Variants in GALNTL6 observed in about 807,000 individuals in gnomAD.
GALNTL6 encodes the protein polypeptide N-acetylgalactosaminyltransferase like 6.
In GALNTL6, 46 loss-of-function variants were observed where a neutral mutation model predicts 73.7. That is an observed-to-expected ratio of 0.62 (90% CI 0.49 to 0.80). GALNTL6 has a LOEUF of 0.80. Among genes scored for constraint, GALNTL6 ranks in the 30% least tolerant of loss-of-function variants. The pLI, the probability that GALNTL6 is intolerant of heterozygous loss-of-function variation, is 0.00. For missense variants in GALNTL6, 604 were observed against 755.0 expected, an observed-to-expected ratio of 0.80 and a Z score of 2.34; for synonymous variants, 259 against 263.7, an observed-to-expected ratio of 0.98 and a Z score of 0.17.
chr4:172,807,577 C>T (rs941501030), intron 5 of GALNTL6, among the ~76,000 whole-genome samples: 3 of 152,184 alleles, frequency 2.0e-5, no homozygotes, highest in African/African-American at 7.2e-5. Flanking sequence ...AAACAATCCC[C>T]TAAATCCTTT....
intron 5 of GALNTL6, among the ~76,000 whole-genome samples, chr4:172,577,863 A>G (rs1737018772): frequency 6.6e-6 from 1 of 152,128 alleles, no homozygotes; most frequent in Admixed American, 6.6e-5. Context: ...TGCTCCCCAC[A>G]ACTCCCCAAA....
chr4:171,986,047 A>AAC (rs1358439776), intron 2 of GALNTL6, among the ~76,000 whole-genome samples: 5 of 151,004 alleles, frequency 3.3e-5, no homozygotes, highest in East Asian at 1.9e-4. Flanking sequence ...CAAAAAAAAA[A>AAC]AAAAAAAAAA....
intron 5 of GALNTL6, among the ~76,000 whole-genome samples, chr4:172,395,138 G>A (rs372057170): frequency 2.0e-5 from 3 of 152,124 alleles, no homozygotes; most frequent in East Asian, 1.9e-4. Flanking sequence ...TTTATGAATC[G>A]ATTGTTAATT....
chr4:172,985,209 G>A (rs1184210843), intron 10 of GALNTL6, among the ~76,000 whole-genome samples: 1 of 151,984 alleles, frequency 6.6e-6, no homozygotes, highest in Non-Finnish European at 1.5e-5. Context: ...CGACAATATA[G>A]CAATCTCCCA....
At chr4:172,523,994 C>T (rs1421305244) in intron 5 of GALNTL6, among the ~76,000 whole-genome samples, 1 of 152,104 alleles carries the variant, frequency 6.6e-6, no homozygotes, top group Non-Finnish European at 1.5e-5. Context: ...ATTGACTGTT[C>T]CTCCCTCAAA....
At chr4:172,971,751 A>G (rs1301910918) in intron 10 of GALNTL6, among the ~76,000 whole-genome samples, 1 of 152,226 alleles carries the variant, frequency 6.6e-6, no homozygotes, top group African/African-American at 2.4e-5. Context: ...GAAGTGGAAC[A>G]AAAACACAAA....
At chr4:172,978,968 G>A (rs969711206) in intron 10 of GALNTL6, among the ~76,000 whole-genome samples, 10 of 152,212 alleles carry the variant, frequency 6.6e-5, no homozygotes, top group Admixed American at 3.9e-4. Flanking sequence ...GAGGATAGTA[G>A]TCCCTGTATT....
chr4:172,076,144 C>T (rs1317461717), intron 2 of GALNTL6, among the ~76,000 whole-genome samples: 1 of 152,144 alleles, frequency 6.6e-6, no homozygotes, highest in Non-Finnish European at 1.5e-5. Context: ...CCTAGATGCC[C>T]AAGAAAGTCC....
At chr4:173,032,641 C>T (rs991158435) in intron 12 of GALNTL6, among the ~76,000 whole-genome samples, 19 of 152,134 alleles carry the variant, frequency 1.2e-4, no homozygotes, top group African/African-American at 4.3e-4. Context: ...GCCAAGGTGG[C>T]GCCACTGTGC....
rs66997029 is a variant in GALNTL6, at chr4:172,177,798, TAC to T, written c.139-51850_139-51849del. Among the ~76,000 whole-genome samples, 537 of 134,880 alleles carry T rather than the reference TAC, an allele frequency of 4.0e-3. 5 individuals carry two copies. Among genetic ancestry groups the T allele is most frequent in the African/African-American group, 0.016 (494 of 31,002 alleles). 88.5% of individuals were successfully genotyped at this position (134,880 alleles called of 152,430 possible). A position where few individuals can be genotyped will look rare whatever the true frequency, so the allele number is the denominator to read the frequency against. On this transcript the variant is annotated intron_variant, in intron 2 of 12. Transcript: ENST00000506823. ...ACATATATACACATGTGTATATATA[TAC>T]ACACACATATATGTGTGTGTATATA...
At chr4:172,377,618 C>T (rs535917745) in intron 5 of GALNTL6, among the ~76,000 whole-genome samples, 4 of 152,238 alleles carry the variant, frequency 2.6e-5, no homozygotes, top group East Asian at 3.9e-4. Context: ...TCGGGCCACA[C>T]GGGAGCCCAC....
At chr4:172,373,776 A>G (rs985317880) in intron 5 of GALNTL6, among the ~76,000 whole-genome samples, 1 of 152,206 alleles carries the variant, frequency 6.6e-6, no homozygotes, top group Non-Finnish European at 1.5e-5. Context: ...GAAAAGAGCA[A>G]AGTCTCCCAA....
At chr4:172,691,335 A>T (rs1733276247) in intron 5 of GALNTL6, among the ~76,000 whole-genome samples, 1 of 152,238 alleles carries the variant, frequency 6.6e-6, no homozygotes, top group Admixed American at 6.5e-5. Context: ...AAACTGTCAC[A>T]GAAATGGCAT....
intron 9 of GALNTL6, 71 bp from the exon 10 acceptor site, chr4:172,951,966 T>G: frequency 7.8e-7 from 1 of 1,290,248 alleles, no homozygotes. Flanking sequence ...TTTTTCAATT[T>G]CTGGTGCAAC....
At chr4:171,827,015 T>C (rs952009343) in intron 2 of GALNTL6, among the ~76,000 whole-genome samples, 3 of 151,986 alleles carry the variant, frequency 2.0e-5, no homozygotes, top group Non-Finnish European at 4.4e-5. Context: ...AACTATTAAG[T>C]ATAGAGTTTA....
chr4:172,104,424 T>G (rs1732621327), intron 2 of GALNTL6, among the ~76,000 whole-genome samples: 1 of 152,056 alleles, frequency 6.6e-6, no homozygotes, highest in Admixed American at 6.5e-5. Flanking sequence ...AAAGATGAGA[T>G]AAATCAGCGT....
intron 5 of GALNTL6, among the ~76,000 whole-genome samples, chr4:172,489,692 T>G (rs1426106193): frequency 6.6e-6 from 1 of 152,222 alleles, no homozygotes; most frequent in Non-Finnish European, 1.5e-5. Context: ...ATGAATACTC[T>G]TTCAATGCAA....
At chr4:171,949,123 A>G (rs947040811) in intron 2 of GALNTL6, among the ~76,000 whole-genome samples, 1 of 152,078 alleles carries the variant, frequency 6.6e-6, no homozygotes, top group Non-Finnish European at 1.5e-5. Flanking sequence ...CTAATCCCAC[A>G]TGAACTTGAG....
rs1169196916 is a variant in GALNTL6 at position 172,811,689 on chromosome 4, A to G, written c.740-1851A>G. 2.0e-5 allele frequency among the ~76,000 whole-genome samples: 3 copies of G among 152,090 alleles called. 1 individual carries two copies. The East Asian group carries it at 5.8e-4, about 29-fold the overall frequency. On this transcript the variant is annotated intron_variant, in intron 6 of 12. Transcript: ENST00000506823. The stretch of plus-strand genomic sequence containing the variant: ...GGGGGTCTCTTCATCTGCTAATTAA[A>G]CTAAAGTAAGACAAAGCCCACTTCT...
Sources: gnomAD v4.1 joint callset for allele counts (sites outside exome capture counted in the v4.1 genomes callset) on GRCh38, gnomAD v4.1.1 for gene constraint, MANE v1.5 for transcripts, NCBI Gene and HGNC (gene_info 2026-07-23, HGNC 2026-07-21) for gene names.